Variants in CLTCL1 observed in about 807,000 individuals in gnomAD.
CLTCL1 encodes clathrin heavy chain like 1.
CLTCL1 carries 159 observed loss-of-function variants against 190.0 expected under a neutral mutation model. That is an observed-to-expected ratio of 0.84 (90% CI 0.74 to 0.95). CLTCL1 has a LOEUF of 0.95. CLTCL1 is among the 40% of genes least tolerant of loss of function. The pLI, the probability that CLTCL1 is intolerant of heterozygous loss-of-function variation, is 0.00. For missense variants in CLTCL1, 1,878 were observed against 2,033.4 expected (o/e 0.92, Z 1.47); for synonymous variants, 752 against 769.6 (o/e 0.98, Z 0.38).
Position 19,210,465 on chromosome 22 carries a change from C to T in CLTCL1, c.3110G>A (p.Arg1037His), listed in dbSNP as rs370323620. The change falls in exon 20 of 33, where the codon CGC (arginine) becomes CAC (histidine). Residue 1037 changes from arginine to histidine, a missense_variant. Arg to His is a conservative substitution (Grantham distance 29). Transcript: ENST00000427926. ...GCTGATGTACTCCATGACCCGTGTG[C>T]GGTCTGCCTTGATGGCAGTCAGGAT... is the stretch of plus-strand genomic sequence containing the variant. ...LLILTAIKAD[R>H]TRVMEYISRL... 39 of 1,613,904 alleles carry T rather than the reference C, an allele frequency of 2.4e-5. No homozygotes were observed. In the African/African-American group the frequency reaches 3.6e-4, roughly 15 times the overall value.
chr22:19,230,010 TG>T (rs1201083406), intron 10 of CLTCL1, 35 bp from the exon 11 acceptor site: 2 of 1,561,122 alleles, frequency 1.3e-6, no homozygotes, highest in Non-Finnish European at 1.7e-6. Context: ...TCACTCAGTA[TG>T]TTTTCATTCA....
intron 2 of CLTCL1, chr22:19,258,833 G>C (rs1437065635): frequency 1.6e-6 from 1 of 621,764 alleles, no homozygotes; most frequent in East Asian, 3.0e-5. Flanking sequence ...TACCCTTTGG[G>C]GAGCAGGAGG....
intron 2 of CLTCL1, chr22:19,257,920 T>A: frequency 8.3e-7 from 1 of 1,210,588 alleles, no homozygotes; most frequent in Non-Finnish European, 1.1e-6. Context: ...TCAAGACCAC[T>A]GAGAAGCTGA....
At chr22:19,182,134 C>T (rs2084160306) in intron 30 of CLTCL1, 1 of 152,220 alleles carries the variant, frequency 6.6e-6, no homozygotes, top group Non-Finnish European at 1.5e-5. Context: ...ACTTTCTTTC[C>T]TTGTGCTGGT....
intron 6 of CLTCL1, among the ~76,000 whole-genome samples, chr22:19,235,335 A>G (rs2086047199): frequency 6.6e-6 from 1 of 152,200 alleles, no homozygotes; most frequent in Admixed American, 6.5e-5. Context: ...GTGCCCAGCC[A>G]AGAGTTTCTT....
At chr22:19,185,790 C>T (rs1313612155) in intron 29 of CLTCL1, among the ~76,000 whole-genome samples, 7 of 152,206 alleles carry the variant, frequency 4.6e-5, no homozygotes, top group African/African-American at 1.7e-4. Flanking sequence ...GTTTAAGCCC[C>T]TGACAGGGAC....
intron 1 of CLTCL1, among the ~76,000 whole-genome samples, chr22:19,285,717 A>C (rs1289658271): frequency 6.6e-6 from 1 of 152,174 alleles, no homozygotes; most frequent in Non-Finnish European, 1.5e-5. Context: ...AGAGCCTGCA[A>C]ACTCAGTAAA....
At chr22:19,225,102 TG>T (rs1555955011) in intron 13 of CLTCL1, among the ~76,000 whole-genome samples, 1 of 152,216 alleles carries the variant, frequency 6.6e-6, no homozygotes, top group East Asian at 1.9e-4. Context: ...GCCTCCCTCC[TG>T]GGGCTGTAAA....
intron 2 of CLTCL1, among the ~76,000 whole-genome samples, chr22:19,267,656 G>C (rs1007778578): frequency 6.6e-6 from 1 of 152,160 alleles, no homozygotes; most frequent in Non-Finnish European, 1.5e-5. Flanking sequence ...TACTTTGTGA[G>C]GCTGAGGCAG....
chr22:19,274,719 T>C (rs562622794), intron 2 of CLTCL1, among the ~76,000 whole-genome samples: 1 of 151,446 alleles, frequency 6.6e-6, no homozygotes, highest in African/African-American at 2.4e-5. Context: ...AGTTTTTGCT[T>C]TTCTTTGTTT....
intron 26 of CLTCL1, among the ~76,000 whole-genome samples, chr22:19,194,415 G>T (rs1555934266): frequency 6.6e-6 from 1 of 152,228 alleles, no homozygotes; most frequent in East Asian, 1.9e-4. Flanking sequence ...CTGGGAGGCG[G>T]AGGTTGCAGT....
intron 3 of CLTCL1, among the ~76,000 whole-genome samples, chr22:19,252,982 C>G (rs1215731561): frequency 6.8e-6 from 1 of 147,582 alleles, no homozygotes; most frequent in African/African-American, 2.5e-5. Flanking sequence ...CCACTGCACT[C>G]CAGCTTGGGT....
intron 1 of CLTCL1, among the ~76,000 whole-genome samples, chr22:19,283,874 C>T (rs2087810850): frequency 6.6e-6 from 1 of 151,812 alleles, no homozygotes; most frequent in African/African-American, 2.4e-5. Context: ...CGCCTGTGGT[C>T]CCAGCTACTC....
At chr22:19,193,549 G>A (rs1299758430) in intron 26 of CLTCL1, among the ~76,000 whole-genome samples, 2 of 152,252 alleles carry the variant, frequency 1.3e-5, no homozygotes, top group East Asian at 3.9e-4. Context: ...CACCCCAGAA[G>A]ACATGGTAGT....
At chr22:19,235,918 A>T (rs782587532) in intron 5 of CLTCL1, 49 bp from the exon 6 acceptor site, 4 of 1,504,678 alleles carry the variant, frequency 2.7e-6, no homozygotes, top group Non-Finnish European at 2.7e-6. Context: ...AGGAGAAGCC[A>T]TGCGGGTAAA....
rs782768980 is a variant in CLTCL1, at chr22:19,233,519, TG to T, written c.1270del (p.Gln424ArgfsTer10). ...GGATTCAAGTTTATTGAGCTGACCCTGGTCGAGCAGGATTCCGAAGTACTGC... is the reference window on the plus strand; with the variant it reads ...GGATTCAAGTTTATTGAGCTGACCCTGTCGAGCAGGATTCCGAAGTACTGC... The part of the protein sequence containing the change: ...LLQYFGILLD[Q>X]GQLNKLESLE... On this transcript the variant is annotated frameshift_variant, in exon 8 of 33. Transcript: ENST00000427926. LOFTEE classifies it high-confidence loss of function. The T allele has an allele frequency of 4.3e-6, 7 of 1,613,908 alleles. No homozygotes were observed. Among genetic ancestry groups the T allele is most frequent in the Non-Finnish European group, 5.9e-6 (7 of 1,179,912 alleles).
intron 3 of CLTCL1, among the ~76,000 whole-genome samples, chr22:19,243,847 G>A (rs1419498533): frequency 4.0e-5 from 6 of 151,674 alleles, no homozygotes; most frequent in Non-Finnish European, 8.8e-5. Flanking sequence ...ATAGGCGCCC[G>A]CCACCATGCC....
intron 3 of CLTCL1, among the ~76,000 whole-genome samples, chr22:19,250,950 T>C (rs1203274183): frequency 1.3e-5 from 2 of 152,190 alleles, no homozygotes; most frequent in Non-Finnish European, 2.9e-5. Context: ...TTGTTTTGGC[T>C]ATTCTGGGTT....
intron 22 of CLTCL1, among the ~76,000 whole-genome samples, chr22:19,203,420 T>C (rs1181901221): frequency 1.3e-5 from 2 of 152,028 alleles, no homozygotes; most frequent in African/African-American, 4.8e-5. Context: ...TCTCAGGGAG[T>C]ATCTGTGTGT....
Sources: allele counts gnomAD v4.1 joint callset (sites outside exome capture counted in the v4.1 genomes callset), GRCh38; gene constraint gnomAD v4.1.1; transcripts MANE v1.5; gene names NCBI Gene and HGNC (gene_info 2026-07-23, HGNC 2026-07-21).